The following PCDHGA1 variants were observed in gnomAD, a reference collection of about 807,000 sequenced individuals.
PCDHGA1 encodes the protein protocadherin gamma-A1.
Under a neutral mutation model 58.0 loss-of-function variants are expected in PCDHGA1, and 32 were observed. The ratio of observed to expected loss-of-function variants is 0.55; its 90% CI spans 0.42 to 0.74. PCDHGA1 has a LOEUF of 0.74. PCDHGA1 is among the 30% of genes least tolerant of loss of function. The pLI, the probability that PCDHGA1 is intolerant of heterozygous loss-of-function variation, is 0.00. For missense variants in PCDHGA1, 1,205 were observed against 1,182.3 expected, an observed-to-expected ratio of 1.02 and a Z score of -0.28; for synonymous variants, 498 against 501.1, an observed-to-expected ratio of 0.99 and a Z score of 0.08.
chr5:141,422,314 C>G (rs1207977453), intron 1 of PCDHGA1: 2 of 1,547,838 alleles, frequency 1.3e-6, no homozygotes, highest in Non-Finnish European at 1.7e-6. Context: ...AAACTCTCCT[C>G]CAGGTACAGT....
At chr5:141,497,677 C>T in intron 2 of PCDHGA1, among the ~76,000 whole-genome samples, 1 of 151,836 alleles carries the variant, frequency 6.6e-6, no homozygotes, top group East Asian at 1.9e-4. Context: ...GTAGCTGGGA[C>T]AGCAGGTGTG....
intron 1 of PCDHGA1, chr5:141,351,263 G>C (rs777132958): frequency 9.3e-6 from 15 of 1,613,968 alleles, no homozygotes; most frequent in Non-Finnish European, 1.3e-5. Flanking sequence ...AGAAATTGTT[G>C]ACGAGAATGA....
intron 1 of PCDHGA1, chr5:141,393,857 C>G (rs753457502): frequency 6.8e-6 from 11 of 1,613,978 alleles, no homozygotes; most frequent in Non-Finnish European, 9.3e-6. Flanking sequence ...CAGAAGTGAT[C>G]ATTACGTCTT....
chr5:141,341,308 C>T (rs1256926422), intron 1 of PCDHGA1: 1 of 1,614,122 alleles, frequency 6.2e-7, no homozygotes, highest in Non-Finnish European at 8.5e-7. Flanking sequence ...CGGACACGCT[C>T]ATCAGCCAGG....
At chr5:141,356,207 CAG>C (rs1419624764) in intron 1 of PCDHGA1, 2 of 1,605,982 alleles carry the variant, frequency 1.2e-6, no homozygotes, top group African/African-American at 2.7e-5. Flanking sequence ...GTACTGGTGA[CAG>C]TTCTGGATGA....
At chr5:141,422,576 C>T in intron 1 of PCDHGA1, 1 of 1,614,034 alleles carries the variant, frequency 6.2e-7, no homozygotes, top group South Asian at 1.1e-5. Context: ...AACGATAACC[C>T]TCCCGTTTTT....
chr5:141,499,054 TGAA>T (rs2099789231), intron 2 of PCDHGA1, among the ~76,000 whole-genome samples: 1 of 150,820 alleles, frequency 6.6e-6, no homozygotes, highest in Non-Finnish European at 1.5e-5. Context: ...GGAGAAAAAA[TGAA>T]GAAGACTTAC....
rs2099735810 is a variant in PCDHGA1 at position 141,491,979 on chromosome 5, G to A, written c.2422-2828G>A. On this transcript the variant is annotated intron_variant, in intron 1 of 3. Transcript: ENST00000517417. This position sits in a 1 kb window ranked among gnomAD's most constrained non-coding sequence, Gnocchi z 6.9. ...CAAAAAAGGCCGGGGCCTCCTTCGA[G>A]CTTCCGGTGAATTTCGGGCGATTTC... 6.4e-6 allele frequency: 5 copies of A among 787,296 alleles called. No homozygotes were observed. Among genetic ancestry groups the A allele is most frequent in the Non-Finnish European group, 9.4e-6 (5 of 533,208 alleles). 48.8% of individuals were successfully genotyped at this position (787,296 alleles called of 1,614,324 possible).
At chr5:141,364,831 C>T (rs1391925170) in intron 1 of PCDHGA1, 1 of 1,613,892 alleles carries the variant, frequency 6.2e-7, no homozygotes, top group Non-Finnish European at 8.5e-7. Context: ...TGAACTCTCT[C>T]CGGAGTTACC....
At chr5:141,345,031 T>C in intron 1 of PCDHGA1, 1 of 1,613,958 alleles carries the variant, frequency 6.2e-7, no homozygotes, top group Non-Finnish European at 8.5e-7. Flanking sequence ...AGAGCCAAGA[T>C]TCTAGTCACG....
intron 1 of PCDHGA1, chr5:141,421,025 A>G: frequency 5.7e-6 from 3 of 526,286 alleles, no homozygotes; most frequent in East Asian, 3.2e-5. Context: ...GCTGCGCGCC[A>G]TTGAGTCCCT....
intron 1 of PCDHGA1, chr5:141,398,901 C>T: frequency 9.9e-6 from 16 of 1,613,954 alleles, no homozygotes; most frequent in Non-Finnish European, 1.3e-5. Flanking sequence ...TGCCACCAGG[C>T]ACCACTGTGT....
rs746539261 is a variant in PCDHGA1, at chr5:141,415,336, C to A, written c.2422-79471C>A. On this transcript the variant is annotated intron_variant, in intron 1 of 3. Transcript: ENST00000517417. ...CATCGTGCTGCTGGCGCACAGGCTG[C>A]GGCGCTGGCACAAGTCACGCCTGCT... 7 of 1,614,200 alleles carry A rather than the reference C, an allele frequency of 4.3e-6. 1 individual carries two copies. The South Asian group carries it at 7.7e-5, about 18-fold the overall frequency.
chr5:141,345,713 C>T (rs762169272), intron 1 of PCDHGA1: 44 of 1,614,120 alleles, frequency 2.7e-5, no homozygotes, highest in Non-Finnish European at 3.5e-5. Context: ...ACAACGCGCC[C>T]GAGATCCTGT....
chr5:141,381,977 G>A lies in PCDHGA1; in HGVS notation c.2421+48872G>A, dbSNP rs61025717. Among the ~76,000 whole-genome samples, 1,494 of 151,364 alleles carry A rather than the reference G, an allele frequency of 9.9e-3. 24 individuals are homozygous for A. The highest frequency in any genetic ancestry group is 0.034 in the African/African-American group (1,395 of 41,190). On this transcript the variant is annotated intron_variant, in intron 1 of 3. Coordinates refer to ENST00000517417, the MANE Select transcript of PCDHGA1 (RefSeq NM_018912.3). ...CCTGAGTAGCTGGGATTACAGGCGC[G>A]CGCCACCACGCCCGGATAATTTTGT...
chr5:141,476,158 G>A lies in PCDHGA1; in HGVS notation c.2422-18649G>A. 2 of 1,612,868 alleles carry A rather than the reference G, an allele frequency of 1.2e-6. No homozygotes were observed. Among genetic ancestry groups the A allele is most frequent in the Non-Finnish European group, 1.7e-6 (2 of 1,179,894 alleles). On this transcript the variant is annotated intron_variant, in intron 1 of 3. Transcript: ENST00000517417. The surrounding 1 kb of genome is among the most constrained non-coding windows in gnomAD (Gnocchi z 7.6). ...GGAGGAGCGGACTGGTAAGCACCGGGAGGGTAGTGGGAGTTTTGCTTCTGC... is the reference window on the plus strand; with the variant it reads ...GGAGGAGCGGACTGGTAAGCACCGGAAGGGTAGTGGGAGTTTTGCTTCTGC...
At chr5:141,365,299 T>A (rs777540442) in intron 1 of PCDHGA1, 1 of 1,614,002 alleles carries the variant, frequency 6.2e-7, no homozygotes. Flanking sequence ...TAGCTCAGGA[T>A]GGAGGCGCTC....
chr5:141,375,428 C>T, intron 1 of PCDHGA1: 1 of 1,613,984 alleles, frequency 6.2e-7, no homozygotes, highest in Non-Finnish European at 8.5e-7. Flanking sequence ...CAACGACAAC[C>T]CGCCCACCTT....
chr5:141,477,260 G>A lies in PCDHGA1; in HGVS notation c.2422-17547G>A. On this transcript the variant is annotated intron_variant, in intron 1 of 3. Coordinates refer to ENST00000517417, the MANE Select transcript of PCDHGA1 (RefSeq NM_018912.3). This position sits in a 1 kb window ranked among gnomAD's most constrained non-coding sequence, Gnocchi z 4.9. ...GCTCAGTGTGACTGACCTGGATGCTGGCGAGAACGGGCTGGTGACCTGCGA... is the reference window on the plus strand; with the variant it reads ...GCTCAGTGTGACTGACCTGGATGCTAGCGAGAACGGGCTGGTGACCTGCGA... 6.2e-7 allele frequency: 1 copy of A among 1,614,200 alleles called. No homozygotes were observed. Among genetic ancestry groups the A allele is most frequent in the Non-Finnish European group, 8.5e-7 (1 of 1,180,048 alleles).
Sources: allele counts gnomAD v4.1 joint callset (sites outside exome capture counted in the v4.1 genomes callset), GRCh38; gene constraint gnomAD v4.1.1; non-coding constraint Gnocchi (gnomAD v3.1); transcripts MANE v1.5; gene names NCBI Gene and HGNC (gene_info 2026-07-23, HGNC 2026-07-21).